Variants in FARP1 observed in about 807,000 individuals in gnomAD.
FARP1 encodes FERM, ARHGEF and pleckstrin domain-containing protein 1.
FARP1 carries 52 observed loss-of-function variants against 128.8 expected under a neutral mutation model. That is an observed-to-expected ratio of 0.40 (90% CI 0.32 to 0.51). FARP1 has a LOEUF of 0.51. Among genes scored for constraint, FARP1 ranks in the 20% least tolerant of loss-of-function variants. The pLI is 0.45. For missense variants in FARP1, 1,333 were observed against 1,367.9 expected (o/e 0.97, Z 0.40); for synonymous variants, 580 against 551.8 (o/e 1.05, Z -0.72).
intron 17 of FARP1, among the ~76,000 whole-genome samples, chr13:98,425,667 A>T (rs1891759899): frequency 6.6e-6 from 1 of 152,184 alleles, no homozygotes; most frequent in African/African-American, 2.4e-5. Context: ...CTGGGATTAT[A>T]GGCATGAGCC....
intron 1 of FARP1, among the ~76,000 whole-genome samples, chr13:98,210,946 C>T (rs1275033574): frequency 6.6e-6 from 1 of 152,174 alleles, no homozygotes; most frequent in Non-Finnish European, 1.5e-5. Flanking sequence ...CTTTTGATTT[C>T]CATTGCTGCT....
At chr13:98,194,241 C>T (rs929356119) in intron 1 of FARP1, among the ~76,000 whole-genome samples, 7 of 152,054 alleles carry the variant, frequency 4.6e-5, no homozygotes, top group African/African-American at 1.7e-4. Flanking sequence ...CTCAGCCTCC[C>T]GAGTAGCTGG....
In FARP1 at chr13:98,446,784, A is replaced by G; in HGVS notation, c.3023A>G (p.Tyr1008Cys). 1 of 1,614,070 alleles carries G rather than the reference A, an allele frequency of 6.2e-7. No homozygotes were observed. The highest frequency in any genetic ancestry group is 8.5e-7 in the Non-Finnish European group (1 of 1,180,012). Residue 1008 changes from tyrosine to cysteine, a missense_variant, in exon 26 of 27, where the codon TAC (tyrosine) becomes TGC (cysteine). Around this residue, in one of 2 missense-constraint regions of FARP1, gnomAD observed 1,009 missense variants for 969.8 expected, o/e 1.04. Transcript: ENST00000319562. ...CTGCACTTCAAGTCCCACGTCTACT[A>G]CTTCAGGGCGGAAAGCGAGTACACG... is the stretch of plus-strand genomic sequence containing the variant. ...FKLHFKSHVY[Y>C]FRAESEYTFE... is the part of the protein sequence containing the mutation.
At chr13:98,368,029 A>G (rs769169724) in intron 4 of FARP1, 88 bp from the exon 5 acceptor site, 119 of 1,033,832 alleles carry the variant, frequency 1.2e-4, no homozygotes, top group Non-Finnish European at 1.5e-4. Flanking sequence ...AATGAGATGC[A>G]TTATTTGTAT....
intron 1 of FARP1, among the ~76,000 whole-genome samples, chr13:98,201,819 T>G (rs1281297108): frequency 6.6e-6 from 1 of 152,230 alleles, no homozygotes; most frequent in Admixed American, 6.5e-5. Context: ...AGCGAGAATC[T>G]TGAGCTCTGC....
At chr13:98,386,814 G>A (rs1890115931) in intron 8 of FARP1, among the ~76,000 whole-genome samples, 1 of 152,178 alleles carries the variant, frequency 6.6e-6, no homozygotes, top group Non-Finnish European at 1.5e-5. Context: ...TTTATCAAAA[G>A]AGTTCCAGTG....
chr13:98,161,675 G>A (rs554714078), intron 1 of FARP1, among the ~76,000 whole-genome samples: 16 of 152,276 alleles, frequency 1.1e-4, no homozygotes, highest in African/African-American at 3.6e-4. Context: ...CGATTTCCCA[G>A]AATGTGTATA....
At chr13:98,411,749 C>A in intron 15 of FARP1, 152 bp from the exon 16 acceptor site, 1 of 755,762 alleles carries the variant, frequency 1.3e-6, no homozygotes. Flanking sequence ...GCAGTAAGGC[C>A]CGGGCAGCCC....
At chr13:98,384,972 A>G (rs913253918) in intron 7 of FARP1, 128 bp downstream of exon 7, 2 of 635,960 alleles carry the variant, frequency 3.1e-6, no homozygotes, top group East Asian at 5.4e-5. Flanking sequence ...TGAGGAAAGA[A>G]GATCACAGAG....
chr13:98,256,551 C>T (rs930680410), intron 2 of FARP1, among the ~76,000 whole-genome samples: 1 of 151,060 alleles, frequency 6.6e-6, no homozygotes, highest in African/African-American at 2.4e-5. Context: ...GTGCATCTTA[C>T]CACTTTTTTT....
intron 1 of FARP1, among the ~76,000 whole-genome samples, chr13:98,207,231 G>C (rs1880325686): frequency 6.6e-6 from 1 of 152,148 alleles, no homozygotes. Context: ...CTTTGTTCAA[G>C]CATCAGTATC....
chr13:98,247,334 G>A (rs1883121129), intron 2 of FARP1, among the ~76,000 whole-genome samples: 1 of 152,242 alleles, frequency 6.6e-6, no homozygotes, highest in African/African-American at 2.4e-5. Context: ...TGTTGGTGGT[G>A]TGCAGCCTTC....
At chr13:98,415,304 C>T (rs1042277558) in intron 16 of FARP1, among the ~76,000 whole-genome samples, 1 of 152,216 alleles carries the variant, frequency 6.6e-6, no homozygotes, top group African/African-American at 2.4e-5. Context: ...GTGATGAATA[C>T]CTTTTCTGCA....
At chr13:98,408,463 A>C in intron 13 of FARP1, among the ~76,000 whole-genome samples, 1 of 147,954 alleles carries the variant, frequency 6.8e-6, no homozygotes. Flanking sequence ...AGTAGCTGGG[A>C]TTGCAGGCAC....
chr13:98,314,451 TG>T (rs1349980900), intron 2 of FARP1, among the ~76,000 whole-genome samples: 1 of 151,806 alleles, frequency 6.6e-6, no homozygotes, highest in African/African-American at 2.4e-5. Context: ...AGCTAATTTT[TG>T]TATTTTTAGT....
intron 2 of FARP1, among the ~76,000 whole-genome samples, chr13:98,246,175 G>A (rs371538971): frequency 0.017 from 2,123 of 127,724 alleles, 50 homozygotes; most frequent in African/African-American, 0.059. Context: ...GCTCACTGCA[G>A]GCTCCGCCCC....
intron 2 of FARP1, among the ~76,000 whole-genome samples, chr13:98,230,008 G>A (rs1882023682): frequency 1.3e-5 from 2 of 152,148 alleles, no homozygotes; most frequent in South Asian, 2.1e-4. Flanking sequence ...TGGTATAAAC[G>A]ACATTTCCTA....
In FARP1 at chr13:98,415,871, C is replaced by T. The variant is rs148145937; in HGVS notation, c.1826+3837C>T. ...TGGGTAAGATCCGAATTCGAGGTCA[C>T]ACCCCCGCCATGGGGCTGTCTTCAG... On this transcript the variant is annotated intron_variant, in intron 16 of 26. Transcript: ENST00000319562. Among the ~76,000 whole-genome samples, 619 of 152,336 alleles carry T rather than the reference C, an allele frequency of 4.1e-3. 3 individuals carry two copies. The highest frequency in any genetic ancestry group is 0.014 in the African/African-American group (601 of 41,580).
At chr13:98,432,330 C>T (rs1302247049) in intron 18 of FARP1, 1 of 152,288 alleles carries the variant, frequency 6.6e-6, no homozygotes, top group African/African-American at 2.4e-5. Flanking sequence ...TGCATTATCC[C>T]ATTTTACAGA....
Sources: allele counts gnomAD v4.1 joint callset (sites outside exome capture counted in the v4.1 genomes callset), GRCh38; gene constraint gnomAD v4.1.1; regional missense constraint gnomAD v4.1.1; transcripts MANE v1.5; gene names NCBI Gene and HGNC (gene_info 2026-07-23, HGNC 2026-07-21).